The following PPP1R12A variants were observed in gnomAD, a reference collection of about 807,000 sequenced individuals.
The protein encoded by PPP1R12A is myosin binding subunit.
Under a neutral mutation model 139.6 loss-of-function variants are expected in PPP1R12A, and 19 were observed. The observed-to-expected ratio is 0.14, with a 90% CI of 0.09 to 0.20. The LOEUF is 0.20. Ranked by LOEUF, PPP1R12A falls within the 10% of genes least tolerant of loss-of-function variation. The pLI is 1.00. For synonymous variants in PPP1R12A, 427 were observed against 420.6 expected, an observed-to-expected ratio of 1.02 and a Z score of -0.19; for missense variants, 925 against 1,211.5, an observed-to-expected ratio of 0.76 and a Z score of 3.51.
intron 1 of PPP1R12A, among the ~76,000 whole-genome samples, chr12:79,899,137 TAA>T (rs1187563594): frequency 1.8e-5 from 2 of 110,210 alleles, no homozygotes; most frequent in Admixed American, 2.0e-4. Context: ...CATGTCTCCC[TAA>T]ATAACTCAGC....
intron 9 of PPP1R12A, among the ~76,000 whole-genome samples, chr12:79,812,839 T>C (rs1874782556): frequency 6.6e-6 from 1 of 152,172 alleles, no homozygotes; most frequent in Non-Finnish European, 1.5e-5. Flanking sequence ...TGTTTCAAAC[T>C]TCACAATTAT....
intron 17 of PPP1R12A, among the ~76,000 whole-genome samples, 170 bp downstream of exon 17, chr12:79,796,612 A>G (rs184202646): frequency 2.0e-4 from 30 of 152,210 alleles, no homozygotes; most frequent in African/African-American, 6.5e-4. Context: ...GCCATATTCT[A>G]TTTCTGTTTT....
chr12:79,810,345 C>A (rs1052403899), intron 9 of PPP1R12A, among the ~76,000 whole-genome samples: 5 of 152,110 alleles, frequency 3.3e-5, no homozygotes, highest in African/African-American at 9.7e-5. Flanking sequence ...TTATATTAAA[C>A]TTGTTATGTT....
At chr12:79,892,476 C>A (rs1159650569) in intron 1 of PPP1R12A, among the ~76,000 whole-genome samples, 4 of 152,044 alleles carry the variant, frequency 2.6e-5, no homozygotes, top group African/African-American at 4.8e-5. Flanking sequence ...GGAGACAGGG[C>A]AAATGGCAAT....
chr12:79,815,285 A>T (rs995014273), intron 9 of PPP1R12A, among the ~76,000 whole-genome samples: 1 of 152,124 alleles, frequency 6.6e-6, no homozygotes, highest in Non-Finnish European at 1.5e-5. Flanking sequence ...CACGCCTGTA[A>T]CCCCAGTACT....
chr12:79,872,466 T>C (rs1473777307), intron 2 of PPP1R12A, among the ~76,000 whole-genome samples: 1 of 152,126 alleles, frequency 6.6e-6, no homozygotes, highest in African/African-American at 2.4e-5. Context: ...AGTTGCCAAA[T>C]TTATGATTAT....
chr12:79,858,481 GGATA>G (rs1431164075), intron 2 of PPP1R12A, among the ~76,000 whole-genome samples: 2 of 152,126 alleles, frequency 1.3e-5, no homozygotes, highest in Admixed American at 6.6e-5. Context: ...TCCATTTTAT[GGATA>G]AAGAAATGGA....
At chr12:79,932,607 CTGTT>C (rs1888335105) in intron 1 of PPP1R12A, among the ~76,000 whole-genome samples, 1 of 152,116 alleles carries the variant, frequency 6.6e-6, no homozygotes. Flanking sequence ...TTAGAAACTT[CTGTT>C]TGTCAACTAA....
chr12:79,849,221 T>TA (rs1038058128), intron 2 of PPP1R12A, among the ~76,000 whole-genome samples: 5 of 151,798 alleles, frequency 3.3e-5, no homozygotes, highest in Admixed American at 6.6e-5. Context: ...CCAACTCTAC[T>TA]AAAAAAATAC....
intron 1 of PPP1R12A, among the ~76,000 whole-genome samples, chr12:79,877,414 A>G (rs935393176): frequency 1.3e-5 from 2 of 152,216 alleles, no homozygotes; most frequent in Non-Finnish European, 2.9e-5. Flanking sequence ...AAGAAACATA[A>G]AAAGTGTATT....
chr12:79,891,694 C>T (rs1884659603), intron 1 of PPP1R12A, among the ~76,000 whole-genome samples: 2 of 152,164 alleles, frequency 1.3e-5, no homozygotes, highest in South Asian at 2.1e-4. Flanking sequence ...GATGTCACTT[C>T]TGAGATTAGG....
intron 24 of PPP1R12A, among the ~76,000 whole-genome samples, chr12:79,778,017 A>G (rs1199203605): frequency 6.6e-6 from 1 of 152,128 alleles, no homozygotes; most frequent in Non-Finnish European, 1.5e-5. Context: ...CAGTGTGGTA[A>G]GAGGTAATCA....
intron 14 of PPP1R12A, among the ~76,000 whole-genome samples, chr12:79,799,972 C>T (rs542561395): frequency 1.4e-4 from 22 of 152,006 alleles, no homozygotes; most frequent in Admixed American, 5.9e-4. Context: ...TGTACCACCC[C>T]GCAGCGTGGG....
chr12:79,932,533 C>T (rs1227894781), intron 1 of PPP1R12A, among the ~76,000 whole-genome samples: 3 of 152,126 alleles, frequency 2.0e-5, no homozygotes, highest in Admixed American at 6.6e-5. Context: ...TGGAGATTAT[C>T]GGGTCAAACC....
At chr12:79,919,640 T>A (rs1488219875) in intron 1 of PPP1R12A, among the ~76,000 whole-genome samples, 1 of 152,030 alleles carries the variant, frequency 6.6e-6, no homozygotes, top group Non-Finnish European at 1.5e-5. Flanking sequence ...CCATTACATA[T>A]CATTACACAT....
intron 2 of PPP1R12A, among the ~76,000 whole-genome samples, chr12:79,847,928 C>T (rs1879593913): frequency 6.6e-6 from 1 of 152,054 alleles, no homozygotes; most frequent in African/African-American, 2.4e-5. Flanking sequence ...AATAACTGAT[C>T]AATCTCTATA....
intron 22 of PPP1R12A, among the ~76,000 whole-genome samples, chr12:79,783,945 G>A (rs893794441): frequency 2.6e-5 from 4 of 152,128 alleles, no homozygotes; most frequent in African/African-American, 9.7e-5. Flanking sequence ...TGGTAAGCTG[G>A]CATATTTTTT....
intron 5 of PPP1R12A, among the ~76,000 whole-genome samples, chr12:79,826,076 A>G (rs551702658): frequency 2.0e-5 from 3 of 152,118 alleles, no homozygotes; most frequent in African/African-American, 7.2e-5. Context: ...ATTAAAATTT[A>G]TATTTTTATA....
chr12:79,841,544 A>C (rs754662222), intron 3 of PPP1R12A, among the ~76,000 whole-genome samples: 1 of 152,196 alleles, frequency 6.6e-6, no homozygotes, highest in Non-Finnish European at 1.5e-5. Context: ...TTAAAACTAA[A>C]ATCAGCCCCG....
Sources: gnomAD v4.1 joint callset for allele counts (sites outside exome capture counted in the v4.1 genomes callset) on GRCh38, gnomAD v4.1.1 for gene constraint, MANE v1.5 for transcripts, NCBI Gene and HGNC (gene_info 2026-07-23, HGNC 2026-07-21) for gene names.